The following ABCC3 variants were observed in gnomAD, a reference collection of about 807,000 sequenced individuals.
ABCC3 encodes ATP binding cassette subfamily C member 3.
In ABCC3, 121 loss-of-function variants were observed where a neutral mutation model predicts 165.3. That is an observed-to-expected ratio of 0.73 (90% confidence interval 0.63 to 0.85). The LOEUF (loss-of-function observed/expected upper bound fraction) is 0.85, where lower values mean the gene tolerates loss of function less well. Ranked by LOEUF, ABCC3 falls within the 40% of genes least tolerant of loss-of-function variation. The pLI, the probability that ABCC3 is intolerant of heterozygous loss-of-function variation, is 0.00. For synonymous variants in ABCC3, 733 were observed against 810.1 expected (o/e 0.90, Z 1.62); for missense variants, 1,869 against 1,964.1 (o/e 0.95, Z 0.92).
intron 2 of ABCC3, 42 bp from the exon 3 acceptor site, chr17:50,656,660 T>C (rs758567469): frequency 6.3e-7 from 1 of 1,585,556 alleles, no homozygotes; most frequent in Admixed American, 1.8e-5. Flanking sequence ...GGACTGTCCT[T>C]GCCTCTGGGG....
intron 1 of ABCC3, among the ~76,000 whole-genome samples, chr17:50,642,536 C>T (rs945179842): frequency 3.9e-5 from 6 of 152,178 alleles, no homozygotes; most frequent in South Asian, 2.1e-4. Flanking sequence ...AGTGTTGTCC[C>T]GTTGCCATCG....
At chr17:50,661,685 G>A (rs765342306) in intron 8 of ABCC3, among the ~76,000 whole-genome samples, 14 of 152,194 alleles carry the variant, frequency 9.2e-5, no homozygotes, top group African/African-American at 1.9e-4. Flanking sequence ...TGAACCTCCA[G>A]GGTACCAGAA....
At chr17:50,680,315 A>G (rs988523631) in intron 26 of ABCC3, among the ~76,000 whole-genome samples, 2 of 152,186 alleles carry the variant, frequency 1.3e-5, no homozygotes, top group African/African-American at 2.4e-5. Flanking sequence ...TGAGCATTCC[A>G]GCCAAAGAGA....
At chr17:50,643,572 C>A (rs1186921657) in intron 1 of ABCC3, 1 of 456,324 alleles carries the variant, frequency 2.2e-6, no homozygotes, top group African/African-American at 2.0e-5. Context: ...GCCTGACTCA[C>A]CAAGGCCCTC....
rs1290506144 is a variant in ABCC3 at position 50,670,207 on chromosome 17, C to T, written c.2241+679C>T. Among the ~76,000 whole-genome samples, 5 of 152,078 alleles carry T rather than the reference C, an allele frequency of 3.3e-5. No homozygotes were observed. In the South Asian group the frequency reaches 6.2e-4, roughly 19 times the overall value. ...AAGCAATTCTCGTGTCTCAGCCACC[C>T]GAGTAGCTGGGATTACGGGTGCGCA... On this transcript the variant is annotated intron_variant, in intron 17 of 30. Transcript: ENST00000285238.
At chr17:50,686,646 G>A (rs1968027254) in intron 29 of ABCC3, among the ~76,000 whole-genome samples, 1 of 151,728 alleles carries the variant, frequency 6.6e-6, no homozygotes, top group African/African-American at 2.4e-5. Context: ...GCCCCACCCC[G>A]ACACATGCCG....
rs1202519559 is a variant in ABCC3 at position 50,643,542 on chromosome 17, T to C, written c.45+8561T>C. The stretch of plus-strand genomic sequence containing the variant: ...TAGGCCTGCCCAACGTGCCACTGTA[T>C]CTGCAGAACCCAGCCCACTGCCTGA... On this transcript the variant is annotated intron_variant, in intron 1 of 30. Coordinates refer to ENST00000285238, the MANE Select transcript of ABCC3 (RefSeq NM_003786.4). The C allele has an allele frequency of 1.1e-5, 5 of 456,298 alleles. No individual in the cohort carries two copies. The East Asian group carries it at 3.5e-4, about 32-fold the overall frequency. 28.3% of individuals were successfully genotyped at this position (456,298 alleles called of 1,614,324 possible).
At chr17:50,678,245 A>G in intron 25 of ABCC3, 26 bp downstream of exon 25, 1 of 1,513,356 alleles carries the variant, frequency 6.6e-7, no homozygotes, top group Non-Finnish European at 8.8e-7. Flanking sequence ...ACCCCAGGGC[A>G]GGGCCACCAC....
Position 50,668,867 on chromosome 17 carries a change from A to G in ABCC3, c.1885A>G (p.Ile629Val). 6.2e-7 allele frequency: 1 copy of G among 1,613,364 alleles called. No individual in the cohort carries two copies. Among genetic ancestry groups the G allele is most frequent in the Non-Finnish European group, 8.5e-7 (1 of 1,179,788 alleles). The change falls in exon 15 of 31, where the codon ATA becomes GTA. Residue 629 changes from isoleucine to valine, a missense_variant. Physicochemically the swap from Ile to Val is conservative, Grantham distance 29. Coordinates refer to ENST00000285238, the MANE Select transcript of ABCC3 (RefSeq NM_003786.4). The part of the protein sequence containing the change: ...KTISPGYAIT[I>V]HSGTFTWAQD... The stretch of plus-strand genomic sequence containing the variant: ...GGTCCTCTCAGGCTATGCCATCACC[A>G]TACACAGTGGCACCTTCACCTGGGC...
chr17:50,663,783 A>G lies in ABCC3; in HGVS notation c.1101A>G (p.Leu367=). 6.2e-7 allele frequency: 1 copy of G among 1,614,192 alleles called. No homozygotes were observed. The highest frequency in any genetic ancestry group is 8.5e-7 in the Non-Finnish European group (1 of 1,180,046). ...GCTCCATGATGCAGTCGCTGATCTT[A>G]CAACACTATTACCACTACATCTTTG... ...FLCSMMQSLI[L]QHYYHYIFVT... Residue 367 remains leucine, a synonymous_variant, in exon 9 of 31, where the codon TTA becomes TTG. Coordinates refer to ENST00000285238, the MANE Select transcript of ABCC3 (RefSeq NM_003786.4).
intron 1 of ABCC3, among the ~76,000 whole-genome samples, chr17:50,651,066 G>GGAAAA (rs377148373): frequency 1.2e-5 from 1 of 84,284 alleles, no homozygotes; most frequent in African/African-American, 5.0e-5. Flanking sequence ...CTCCATCTCA[G>GGAAAA]AAAAAAAAAA....
intron 1 of ABCC3, among the ~76,000 whole-genome samples, chr17:50,639,340 C>T (rs910645344): frequency 2.0e-5 from 3 of 152,194 alleles, no homozygotes; most frequent in Non-Finnish European, 2.9e-5. Flanking sequence ...CTGCTGTTCC[C>T]CCACTTCACC....
At position 50,672,415 on chromosome 17, in the gene ABCC3, G is replaced by A. The variant is rs115244767; in HGVS notation, c.2242-556G>A. 1.3e-3 allele frequency among the ~76,000 whole-genome samples: 205 copies of A among 152,304 alleles called. 1 individual carries two copies. The highest frequency in any genetic ancestry group is 4.6e-3 in the African/African-American group (192 of 41,552). ...TACACATTTGTGTGCCCATTTATCC[G>A]TAGATGGGTTGGGCAGGACACCAAG... On this transcript the variant is annotated intron_variant, in intron 17 of 30. Transcript: ENST00000285238.
Position 50,664,066 on chromosome 17 carries a change from G to A in ABCC3, c.1293G>A (p.Trp431Ter), listed in dbSNP as rs1244988151. The A allele has an allele frequency of 6.2e-7, 1 of 1,614,202 alleles. No individual in the cohort carries two copies. The highest frequency in any genetic ancestry group is 8.5e-7 in the Non-Finnish European group (1 of 1,180,036). Reference sequence around the variant, plus strand: ...TTGCCCCCTTCCTCAATCTGCTGTGGTCAGCACCCCTGCAGATCATCCTGG... The same window carrying A: ...TTGCCCCCTTCCTCAATCTGCTGTGATCAGCACCCCTGCAGATCATCCTGG... The part of the protein sequence containing the change: ...MDLAPFLNLL[W>*]SAPLQIILAI... Residue 431 changes from tryptophan to a stop codon, truncating the protein, a stop_gained, in exon 10 of 31, where the codon TGG becomes TGA. Transcript: ENST00000285238. LOFTEE classifies it high-confidence loss of function.
chr17:50,656,059 G>T, intron 2 of ABCC3, 51 bp downstream of exon 2: 1 of 1,363,568 alleles, frequency 7.3e-7, no homozygotes, highest in South Asian at 1.9e-5. Context: ...TGGGGATTCT[G>T]CTTTTATTTT....
intron 1 of ABCC3, among the ~76,000 whole-genome samples, chr17:50,639,121 G>A (rs2054204470): frequency 1.3e-5 from 2 of 152,202 alleles, no homozygotes; most frequent in Non-Finnish European, 1.5e-5. Context: ...CTGAGTGGGA[G>A]GTAGACACTC....
At chr17:50,679,958 T>C in intron 26 of ABCC3, 59 bp downstream of exon 26, 3 of 1,407,168 alleles carry the variant, frequency 2.1e-6, no homozygotes, top group Non-Finnish European at 3.0e-6. Flanking sequence ...GAAGAAAGCT[T>C]GGTGGCTCTC....
chr17:50,675,990 T>A lies in ABCC3; in HGVS notation c.2967T>A (p.Asn989Lys). 6.2e-7 allele frequency: 1 copy of A among 1,614,178 alleles called. No individual in the cohort carries two copies. The highest frequency in any genetic ancestry group is 1.1e-5 in the South Asian group (1 of 91,084). The change falls in exon 22 of 31, where the codon AAT becomes AAA. Residue 989 changes from asparagine to lysine, a missense_variant. By Grantham distance (94) the Asn-to-Lys change is moderately conservative (BLOSUM62 0). Coordinates refer to ENST00000285238, the MANE Select transcript of ABCC3 (RefSeq NM_003786.4). Reference protein sequence around the residue: ...VGQSAAAIGANVWLSAWTNDA... With the variant: ...VGQSAAAIGAKVWLSAWTNDA... ...AAAGTGCGGCTGCCATTGGAGCCAA[T>A]GTGTGGCTCAGTGCCTGGACAAATG...
chr17:50,651,674 G>A (rs764876425), intron 1 of ABCC3, among the ~76,000 whole-genome samples: 4 of 152,094 alleles, frequency 2.6e-5, no homozygotes, highest in Non-Finnish European at 5.9e-5. Flanking sequence ...GCAGTGAGCC[G>A]AGATCTTGCC....
Sources: gnomAD v4.1 joint callset for allele counts (sites outside exome capture counted in the v4.1 genomes callset) on GRCh38, gnomAD v4.1.1 for gene constraint, MANE v1.5 for transcripts, NCBI Gene and HGNC (gene_info 2026-07-23, HGNC 2026-07-21) for gene names.